The following SKAP1 variants were observed in gnomAD, a reference collection of about 807,000 sequenced individuals.
SKAP1 encodes the protein src kinase associated phosphoprotein 1, also known as src kinase-associated phosphoprotein 1.
A neutral mutation model predicts 58.5 loss-of-function variants in SKAP1; 44 were observed. The observed-to-expected ratio is 0.75, with a 90% confidence interval of 0.59 to 0.97. The LOEUF (loss-of-function observed/expected upper bound fraction) is 0.97, where lower values mean the gene tolerates loss of function less well. Ranked by LOEUF, SKAP1 falls within the 50% of genes least tolerant of loss-of-function variation. SKAP1 has a pLI of 0.00. For missense variants in SKAP1, 390 were observed against 435.2 expected (o/e 0.90, Z 0.92); for synonymous variants, 127 against 149.7 (o/e 0.85, Z 1.11).
intron 4 of SKAP1, among the ~76,000 whole-genome samples, chr17:48,300,010 C>G (rs909100513): frequency 6.6e-6 from 1 of 152,134 alleles, no homozygotes; most frequent in Non-Finnish European, 1.5e-5. Flanking sequence ...GTTTCAAATC[C>G]TCTTCAAAAT....
intron 2 of SKAP1, among the ~76,000 whole-genome samples, chr17:48,379,057 A>T (rs1370610540): frequency 6.6e-6 from 1 of 152,222 alleles, no homozygotes; most frequent in Non-Finnish European, 1.5e-5. Context: ...GAAAAAAGAA[A>T]GAAAATCAAA....
At chr17:48,377,732 G>A (rs1245967504) in intron 2 of SKAP1, among the ~76,000 whole-genome samples, 2 of 152,156 alleles carry the variant, frequency 1.3e-5, no homozygotes, top group Non-Finnish European at 2.9e-5. Context: ...AGGCTTGTGG[G>A]ATGAAAAGAC....
chr17:48,372,799 C>A (rs2067103476), intron 2 of SKAP1, among the ~76,000 whole-genome samples: 1 of 152,138 alleles, frequency 6.6e-6, no homozygotes, highest in Non-Finnish European at 1.5e-5. Context: ...CACCACCACA[C>A]CTGGCTAATT....
chr17:48,379,679 C>CTT (rs1349359136), intron 2 of SKAP1, among the ~76,000 whole-genome samples: 1 of 128,682 alleles, frequency 7.8e-6, no homozygotes, highest in African/African-American at 3.3e-5. Flanking sequence ...AAAGTATCTT[C>CTT]TTCTTTTTTT....
intron 9 of SKAP1, among the ~76,000 whole-genome samples, chr17:48,179,159 G>A (rs931685988): frequency 2.0e-5 from 3 of 152,174 alleles, no homozygotes; most frequent in African/African-American, 7.2e-5. Flanking sequence ...GGTTCATCTG[G>A]GTTCATCTGG....
intron 4 of SKAP1, among the ~76,000 whole-genome samples, chr17:48,292,720 A>T (rs928729182): frequency 1.3e-5 from 2 of 152,176 alleles, no homozygotes; most frequent in African/African-American, 4.8e-5. Context: ...GAGATATGGT[A>T]AGTTATACTG....
At chr17:48,176,912 T>C (rs1199447272) in intron 9 of SKAP1, among the ~76,000 whole-genome samples, 2 of 152,202 alleles carry the variant, frequency 1.3e-5, no homozygotes, top group Non-Finnish European at 1.5e-5. Context: ...GCTTTCCCTA[T>C]AGAGACAGTG....
intron 8 of SKAP1, among the ~76,000 whole-genome samples, chr17:48,180,607 A>T (rs2064355104): frequency 6.6e-6 from 1 of 152,198 alleles, no homozygotes; most frequent in South Asian, 2.1e-4. Context: ...TCACGTAGAA[A>T]ACTGGAAGGG....
At chr17:48,400,116 T>C (rs1219556406) in intron 1 of SKAP1, among the ~76,000 whole-genome samples, 1 of 142,506 alleles carries the variant, frequency 7.0e-6, no homozygotes, top group East Asian at 2.0e-4. Context: ...TTTTTTTTTT[T>C]GAGACGGAGT....
chr17:48,406,678 G>A (rs1233582128), intron 1 of SKAP1, among the ~76,000 whole-genome samples: 1 of 151,982 alleles, frequency 6.6e-6, no homozygotes, highest in African/African-American at 2.4e-5. Flanking sequence ...TGATTCTCCT[G>A]CCTCAGCCTC....
chr17:48,388,406 C>T lies in SKAP1; in HGVS notation c.152+8274G>A, dbSNP rs139584478. ...CCGAGATCACGCCACTGCACTCCAG[C>T]CTGGGTGACAGAGTGAGACTCTGTC... On this transcript the variant is annotated intron_variant, in intron 2 of 12. Coordinates refer to ENST00000336915, the MANE Select transcript of SKAP1 (RefSeq NM_003726.4). Among the ~76,000 whole-genome samples the T allele has an allele frequency of 1.0e-3, 158 of 152,216 alleles. 3 individuals are homozygous for T. The East Asian group carries it at 0.029, about 28-fold the overall frequency.
intron 2 of SKAP1, among the ~76,000 whole-genome samples, chr17:48,382,194 A>C (rs947316817): frequency 1.6e-4 from 25 of 152,136 alleles, no homozygotes; most frequent in African/African-American, 5.1e-4. Flanking sequence ...AAAAAAAAAA[A>C]AACCCACATG....
chr17:48,424,245 GA>G (rs71141995), intron 1 of SKAP1, among the ~76,000 whole-genome samples: 133,939 of 134,054 alleles, frequency 1, 66,913 homozygotes, highest in Middle Eastern at 1. Context: ...TTTTTTTTGA[GA>G]ACGGAGTCTC....
intron 4 of SKAP1, among the ~76,000 whole-genome samples, chr17:48,269,033 T>G (rs921602696): frequency 6.6e-6 from 1 of 152,068 alleles, no homozygotes; most frequent in East Asian, 1.9e-4. Context: ...TCATTTTAGA[T>G]GTAATATACT....
intron 4 of SKAP1, among the ~76,000 whole-genome samples, chr17:48,321,725 C>A (rs2066370386): frequency 6.6e-6 from 1 of 152,078 alleles, no homozygotes; most frequent in South Asian, 2.1e-4. Context: ...TCCATCTCTC[C>A]ATTGAAAGGT....
At chr17:48,321,852 A>AT (rs923451143) in intron 4 of SKAP1, among the ~76,000 whole-genome samples, 2 of 152,108 alleles carry the variant, frequency 1.3e-5, no homozygotes, top group Middle Eastern at 3.2e-3. Flanking sequence ...TCAATCTGTG[A>AT]TTTTTTAAAA....
chr17:48,220,100 G>T (rs2064984122), intron 4 of SKAP1, among the ~76,000 whole-genome samples: 1 of 152,182 alleles, frequency 6.6e-6, no homozygotes, highest in Non-Finnish European at 1.5e-5. Context: ...TTGTTGGTGG[G>T]AGTAAAAATG....
At chr17:48,224,365 T>C (rs2065043814) in intron 4 of SKAP1, among the ~76,000 whole-genome samples, 1 of 152,238 alleles carries the variant, frequency 6.6e-6, no homozygotes, top group African/African-American at 2.4e-5. Context: ...TTTCTCATTA[T>C]GAATGCTGAA....
intron 4 of SKAP1, among the ~76,000 whole-genome samples, chr17:48,257,421 T>A (rs929759802): frequency 1.3e-5 from 2 of 152,038 alleles, no homozygotes; most frequent in African/African-American, 4.8e-5. Context: ...GTATTATAAT[T>A]ATAGCAGTAA....
Sources: allele counts gnomAD v4.1 joint callset (sites outside exome capture counted in the v4.1 genomes callset), GRCh38; gene constraint gnomAD v4.1.1; transcripts MANE v1.5; gene names NCBI Gene and HGNC (gene_info 2026-07-23, HGNC 2026-07-21).